GALNT13: variants seen among roughly 807,000 people sequenced by gnomAD.
GALNT13 encodes UDP-GalNAc:polypeptide N-acetylgalactosaminyltransferase 13.
A neutral mutation model predicts 64.2 loss-of-function variants in GALNT13; 28 were observed. The observed-to-expected ratio is 0.44, with a 90% CI of 0.32 to 0.60. GALNT13 has a LOEUF of 0.60. GALNT13 is among the 20% of genes least tolerant of loss of function. The pLI is 0.05. For synonymous variants in GALNT13, 214 were observed against 224.6 expected, an observed-to-expected ratio of 0.95 and a Z score of 0.42; for missense variants, 577 against 669.8, an observed-to-expected ratio of 0.86 and a Z score of 1.53.
At chr2:153,874,083 A>C (rs971506739) in intron 1 of GALNT13, among the ~76,000 whole-genome samples, 2,479 of 99,894 alleles carry the variant, frequency 0.025, no homozygotes, top group Middle Eastern at 0.041. Context: ...TTCCCCCCGC[A>C]CCCCCCTCCC....
At chr2:153,407,683 T>C in the GALNT13 span, among the ~76,000 whole-genome samples, 1 of 152,214 alleles carries the variant, frequency 6.6e-6, no homozygotes, top group Non-Finnish European at 1.5e-5. Context: ...CTGATTCTTT[T>C]TATGTACTTT....
At chr2:153,388,759 A>G in the GALNT13 span, among the ~76,000 whole-genome samples, 2 of 152,096 alleles carry the variant, frequency 1.3e-5, no homozygotes, top group Non-Finnish European at 2.9e-5. Context: ...GTACAATTCC[A>G]GCCTCCTAAC....
In GALNT13 at chr2:153,921,142, A is replaced by G. The variant is rs186746341; in HGVS notation, c.-105+20135A>G. On this transcript the variant is annotated intron_variant, in intron 2 of 12. Coordinates refer to ENST00000392825, the MANE Select transcript of GALNT13 (RefSeq NM_052917.4). ...TGTTTGAGTATATATCCAAAAGAAT[A>G]TAAATCACTCTACCATAAAGACACA... Among the ~76,000 whole-genome samples the G allele has an allele frequency of 4.6e-5, 7 of 152,314 alleles. 1 individual carries two copies. In the South Asian group the frequency reaches 1.0e-3, roughly 23 times the overall value.
the GALNT13 span, among the ~76,000 whole-genome samples, chr2:153,465,457 T>G: frequency 6.6e-6 from 1 of 151,224 alleles, no homozygotes; most frequent in African/African-American, 2.4e-5. Flanking sequence ...TTTCTTTCAT[T>G]TGATTATCTA....
At chr2:153,202,359 A>G in the GALNT13 span, among the ~76,000 whole-genome samples, 1 of 152,338 alleles carries the variant, frequency 6.6e-6, no homozygotes, top group Non-Finnish European at 1.5e-5. Flanking sequence ...TATTCATAAT[A>G]TACAGGTGTG....
chr2:153,277,455 T>C, the GALNT13 span, among the ~76,000 whole-genome samples: 721 of 152,344 alleles, frequency 4.7e-3, 5 homozygotes, highest in African/African-American at 0.016. Context: ...CAGTGCACCA[T>C]TGATAGATAC....
intron 8 of GALNT13, among the ~76,000 whole-genome samples, chr2:154,263,585 A>C (rs1250816829): frequency 6.6e-6 from 1 of 152,198 alleles, no homozygotes; most frequent in Non-Finnish European, 1.5e-5. Context: ...GTTAGTTGAG[A>C]TGTAGTTCTA....
At chr2:153,782,773 G>A in the GALNT13 span, among the ~76,000 whole-genome samples, 1 of 152,108 alleles carries the variant, frequency 6.6e-6, no homozygotes, top group Non-Finnish European at 1.5e-5. Context: ...CTTGATCATG[G>A]TCTTCTACCC....
chr2:153,250,006 G>A, the GALNT13 span, among the ~76,000 whole-genome samples: 3 of 152,070 alleles, frequency 2.0e-5, no homozygotes, highest in African/African-American at 4.8e-5. Context: ...AACACAAAAA[G>A]CAACTGCAAC....
the GALNT13 span, among the ~76,000 whole-genome samples, chr2:153,372,989 G>A: frequency 1.1e-4 from 17 of 152,120 alleles, no homozygotes; most frequent in Non-Finnish European, 2.1e-4. Flanking sequence ...TTGTGGAGTT[G>A]CATAAGACAG....
chr2:154,391,007 ATC>A (rs902599188), intron 9 of GALNT13, among the ~76,000 whole-genome samples: 1 of 152,198 alleles, frequency 6.6e-6, no homozygotes, highest in African/African-American at 2.4e-5. Context: ...CACAGTAAAT[ATC>A]TGTTACCTTA....
At chr2:153,222,433 C>T in the GALNT13 span, among the ~76,000 whole-genome samples, 1 of 53,324 alleles carries the variant, frequency 1.9e-5, no homozygotes, top group Admixed American at 1.8e-4. Context: ...CTTAAGTTCT[C>T]ACTCCCGGCA....
At chr2:153,105,393 A>G in the GALNT13 span, among the ~76,000 whole-genome samples, 1 of 152,262 alleles carries the variant, frequency 6.6e-6, no homozygotes, top group South Asian at 2.1e-4. Context: ...AGAGCTATCT[A>G]TGACAAACCC....
chr2:154,165,856 A>C (rs1203957170), intron 4 of GALNT13, among the ~76,000 whole-genome samples: 2 of 152,200 alleles, frequency 1.3e-5, no homozygotes, highest in South Asian at 4.1e-4. Context: ...AAAGGATATC[A>C]CTGGGTCAAA....
the GALNT13 span, among the ~76,000 whole-genome samples, chr2:153,706,431 G>A: frequency 6.6e-6 from 1 of 152,084 alleles, no homozygotes; most frequent in African/African-American, 2.4e-5. Context: ...TAAAACTGTG[G>A]GGATAATATC....
chr2:153,518,079 T>G, the GALNT13 span, among the ~76,000 whole-genome samples: 1 of 152,138 alleles, frequency 6.6e-6, no homozygotes, highest in Non-Finnish European at 1.5e-5. Flanking sequence ...CAGTCACACA[T>G]TTTCTTCTTC....
chr2:153,124,746 C>G, the GALNT13 span, among the ~76,000 whole-genome samples: 1 of 152,178 alleles, frequency 6.6e-6, no homozygotes, highest in South Asian at 2.1e-4. Flanking sequence ...TCGTGATCTG[C>G]CCACCTCGGC....
chr2:153,786,184 C>G, the GALNT13 span, among the ~76,000 whole-genome samples: 34 of 152,276 alleles, frequency 2.2e-4, 1 homozygote, highest in South Asian at 1.7e-3. Context: ...GGCAGCCCAG[C>G]ATTTCTCTGA....
chr2:153,456,460 G>C, the GALNT13 span, among the ~76,000 whole-genome samples: 1 of 152,304 alleles, frequency 6.6e-6, no homozygotes, highest in East Asian at 1.9e-4. Context: ...GCTGAGCATT[G>C]ATAAAGCCTG....
Sources: gnomAD v4.1 joint callset for allele counts (sites outside exome capture counted in the v4.1 genomes callset) on GRCh38, gnomAD v4.1.1 for gene constraint, MANE v1.5 for transcripts, NCBI Gene and HGNC (gene_info 2026-07-23, HGNC 2026-07-21) for gene names.